Variants in FSTL1 observed in about 807,000 individuals in gnomAD.
FSTL1 encodes follistatin-related protein 1.
A neutral mutation model predicts 45.9 loss-of-function variants in FSTL1; 24 were observed. The ratio of observed to expected loss-of-function variants is 0.52; its 90% CI spans 0.38 to 0.74. FSTL1 has a LOEUF of 0.74. Among genes scored for constraint, FSTL1 ranks in the 30% least tolerant of loss-of-function variants. The pLI is 0.00. For missense variants in FSTL1, 340 were observed against 381.8 expected (o/e 0.89, Z 0.91); for synonymous variants, 120 against 137.6 (o/e 0.87, Z 0.89).
In FSTL1 at chr3:120,435,525, T is replaced by C. The variant is rs138875217; in HGVS notation, c.63+15159A>G. ...ACTCTTAGGCTTACAATTCCTAACT[T>C]TTGTCTCTTTCTCAGAGACTGTCAT... On this transcript the variant is annotated intron_variant, in intron 2 of 10. Transcript: ENST00000295633. 1.8e-3 allele frequency among the ~76,000 whole-genome samples: 281 copies of C among 152,328 alleles called. 2 individuals are homozygous for C. The highest frequency in any genetic ancestry group is 5.9e-3 in the African/African-American group (245 of 41,566).
At chr3:120,421,978 A>C (rs1401373298) in intron 2 of FSTL1, among the ~76,000 whole-genome samples, 1 of 152,232 alleles carries the variant, frequency 6.6e-6, no homozygotes, top group Non-Finnish European at 1.5e-5. Flanking sequence ...CTTCATGGTA[A>C]TCCAACTCCC....
intron 10 of FSTL1, among the ~76,000 whole-genome samples, chr3:120,398,319 C>T (rs1936748139): frequency 6.6e-6 from 1 of 152,116 alleles, no homozygotes; most frequent in Non-Finnish European, 1.5e-5. Flanking sequence ...ATCCATCGCC[C>T]CTTTGTGTTT....
intron 2 of FSTL1, among the ~76,000 whole-genome samples, chr3:120,438,935 G>A (rs1394805752): frequency 6.6e-6 from 1 of 152,176 alleles, no homozygotes; most frequent in Non-Finnish European, 1.5e-5. Context: ...TCACTCACCT[G>A]TTTCCTATGT....
intron 2 of FSTL1, among the ~76,000 whole-genome samples, chr3:120,427,122 A>G (rs577560939): frequency 1.3e-5 from 2 of 152,348 alleles, no homozygotes; most frequent in African/African-American, 4.8e-5. Context: ...ACCTAAAAAA[A>G]TAATGTCACC....
intron 2 of FSTL1, among the ~76,000 whole-genome samples, chr3:120,432,175 C>A (rs1733297): frequency 0.89 from 134,809 of 152,228 alleles, 60,529 homozygotes; most frequent in Non-Finnish European, 0.97. Context: ...CTTTTTAAAA[C>A]ATTTTCTTGG....
chr3:120,432,041 CAAT>C (rs2107666727), intron 2 of FSTL1, among the ~76,000 whole-genome samples: 1 of 152,282 alleles, frequency 6.6e-6, no homozygotes, highest in East Asian at 1.9e-4. Context: ...AGCTCAGAAA[CAAT>C]GACAAAAGGG....
chr3:120,429,783 G>A (rs532444340), intron 2 of FSTL1, among the ~76,000 whole-genome samples: 1 of 152,280 alleles, frequency 6.6e-6, no homozygotes, highest in East Asian at 1.9e-4. Context: ...CTCAGCAGAT[G>A]GGACCATCTT....
chr3:120,437,515 C>G (rs1406331625), intron 2 of FSTL1, among the ~76,000 whole-genome samples: 2 of 152,124 alleles, frequency 1.3e-5, no homozygotes, highest in Non-Finnish European at 2.9e-5. Context: ...ACTATTAGAG[C>G]TATAGGGAGA....
chr3:120,407,698 T>G (rs1305588387), intron 6 of FSTL1, among the ~76,000 whole-genome samples: 1 of 152,214 alleles, frequency 6.6e-6, no homozygotes, highest in Non-Finnish European at 1.5e-5. Flanking sequence ...GACAGCAGCA[T>G]GTAAGACTCT....
At chr3:120,445,578 C>T (rs1052641674) in intron 2 of FSTL1, among the ~76,000 whole-genome samples, 4 of 149,342 alleles carry the variant, frequency 2.7e-5, no homozygotes, top group Admixed American at 2.6e-4. Context: ...ATGGTGCCTA[C>T]ATGGGCCAGA....
rs14909 is a variant in FSTL1, at chr3:120,394,466, C to T, written c.*2486G>A. The T allele has an allele frequency of 6.6e-6, 1 of 152,198 alleles. No individual in the cohort carries two copies. Among genetic ancestry groups the T allele is most frequent in the African/African-American group, 2.4e-5 (1 of 41,446 alleles). The allele number at this position is 152,198 out of a possible 1,614,324, so 9.4% of individuals were successfully genotyped here. The stretch of plus-strand genomic sequence containing the variant: ...TAAAAACATAGGTGTAAAGGAAAGA[C>T]ATTCAGACTGGTCCACGTGGGCTTG... On this transcript the variant is annotated 3_prime_UTR_variant, in exon 11 of 11. Coordinates refer to ENST00000295633, the MANE Select transcript of FSTL1 (RefSeq NM_007085.5).
intron 2 of FSTL1, among the ~76,000 whole-genome samples, chr3:120,437,612 CA>C (rs1937584528): frequency 6.6e-6 from 1 of 151,740 alleles, no homozygotes; most frequent in Non-Finnish European, 1.5e-5. Context: ...TGTATGTACA[CA>C]GACACATATC....
At chr3:120,414,291 G>A (rs1168486823) in intron 3 of FSTL1, among the ~76,000 whole-genome samples, 2 of 152,070 alleles carry the variant, frequency 1.3e-5, no homozygotes, top group African/African-American at 2.4e-5. Context: ...AGTCTGGAAC[G>A]TGAGAAGCGT....
At chr3:120,425,652 C>G (rs185219712) in intron 2 of FSTL1, among the ~76,000 whole-genome samples, 48 of 152,330 alleles carry the variant, frequency 3.2e-4, no homozygotes, top group Non-Finnish European at 5.9e-5. Flanking sequence ...TTTACCACTT[C>G]AGATGTTCCT....
rs373170332 is a variant in FSTL1 at position 120,403,335 on chromosome 3, G to A, written c.601C>T (p.Leu201Phe). The change falls in exon 8 of 11, where the codon CTC becomes TTC. Residue 201 changes from leucine to phenylalanine, a missense_variant. By Grantham distance (22) the Leu-to-Phe change is conservative. Transcript: ENST00000295633. ...KLLRGLCVDA[L>F]IELSDENADW... Reference sequence around the variant, plus strand: ...GCATTTTCATCAGACAGTTCAATGAGAGCATCAACACAGAGTCCCCTGAAA... The same window carrying A: ...GCATTTTCATCAGACAGTTCAATGAAAGCATCAACACAGAGTCCCCTGAAA... 6.9e-6 allele frequency: 11 copies of A among 1,605,718 alleles called. No individual in the cohort carries two copies. Among genetic ancestry groups the A allele is most frequent in the Non-Finnish European group, 9.4e-6 (11 of 1,172,444 alleles).
chr3:120,407,975 G>A (rs1027978539), intron 6 of FSTL1, among the ~76,000 whole-genome samples: 2 of 152,166 alleles, frequency 1.3e-5, no homozygotes, highest in Admixed American at 6.5e-5. Context: ...TCTAATAGCA[G>A]GTGTCAGTGA....
chr3:120,419,485 A>G (rs1267257726), intron 2 of FSTL1: 5 of 152,160 alleles, frequency 3.3e-5, no homozygotes, highest in African/African-American at 9.7e-5. Context: ...TGAGAAACTG[A>G]TTCTGAGTGG....
Position 120,404,961 on chromosome 3 carries a change from T to C in FSTL1, c.473A>G (p.Asn158Ser). 1 of 1,562,544 alleles carries C rather than the reference T, an allele frequency of 6.4e-7. No homozygotes were observed. The highest frequency in any genetic ancestry group is 8.8e-7 in the Non-Finnish European group (1 of 1,132,790). ...ACTGGAGTCCAGGCGAGAATCACCA[T>C]TATCAAAGTTCTAGAAAGGGCATGA... is the stretch of plus-strand genomic sequence containing the variant. ...ILDKYFKNFD[N>S]GDSRLDSSEF... Residue 158 changes from asparagine to serine, a missense_variant, in exon 7 of 11, where the codon AAT (asparagine) becomes AGT (serine). Physicochemically the swap from Asn to Ser is conservative, Grantham distance 46 (BLOSUM62 1). Transcript: ENST00000295633.
At chr3:120,429,224 A>G (rs569298098) in intron 2 of FSTL1, among the ~76,000 whole-genome samples, 2 of 152,326 alleles carry the variant, frequency 1.3e-5, no homozygotes, top group East Asian at 3.9e-4. Context: ...GGGCATCCAA[A>G]GGAAGGAATG....
Sources: allele counts gnomAD v4.1 joint callset (sites outside exome capture counted in the v4.1 genomes callset), GRCh38; gene constraint gnomAD v4.1.1; transcripts MANE v1.5; gene names NCBI Gene and HGNC (gene_info 2026-07-23, HGNC 2026-07-21).